Variants in EBF4 observed in about 807,000 individuals in gnomAD.
EBF4 encodes transcription factor COE4.
In EBF4, 34 loss-of-function variants were observed where a neutral mutation model predicts 67.1. The ratio of observed to expected loss-of-function variants is 0.51; its 90% CI spans 0.39 to 0.67. EBF4 has a LOEUF of 0.67. Among genes scored for constraint, EBF4 ranks in the 30% least tolerant of loss-of-function variants. EBF4 has a pLI of 0.00. For synonymous variants in EBF4, 387 were observed against 377.7 expected (o/e 1.02, Z -0.29); for missense variants, 837 against 873.3 (o/e 0.96, Z 0.52).
intron 6 of EBF4, among the ~76,000 whole-genome samples, chr20:2,727,389 C>T (rs923734542): frequency 2.6e-5 from 4 of 152,148 alleles, no homozygotes; most frequent in African/African-American, 9.7e-5. Context: ...ATCCTGCCCA[C>T]ACATGTACCA....
chr20:2,704,692 T>G (rs1414927278), intron 1 of EBF4, among the ~76,000 whole-genome samples: 1 of 152,244 alleles, frequency 6.6e-6, no homozygotes, highest in Non-Finnish European at 1.5e-5. Context: ...TCTCCAGTTT[T>G]TTTGCATGGA....
intron 6 of EBF4, among the ~76,000 whole-genome samples, chr20:2,724,051 ATAT>A (rs2087718651): frequency 6.6e-6 from 1 of 152,186 alleles, no homozygotes; most frequent in Non-Finnish European, 1.5e-5. Context: ...TTCCTGACTA[ATAT>A]TACAGTTTTT....
rs1179282384 is a variant in EBF4 at position 2,752,268 on chromosome 20, G to A, written c.1351+5G>A. ...CCACCCCGGGGCCCGAGCCGGGTGC[G>A]TGGGCCGCGCCTCCCCGCCGTCCTC... On this transcript the variant is annotated splice_donor_5th_base_variant and intron_variant, in intron 13 of 16. Transcript: ENST00000609451. 5 of 1,238,832 alleles carry A rather than the reference G, an allele frequency of 4.0e-6. No homozygotes were observed. The African/African-American group carries it at 4.7e-5, about 12-fold the overall frequency. The allele number at this position is 1,238,832 out of a possible 1,614,324, so 76.7% of individuals were successfully genotyped here.
chr20:2,752,017 CG>C, intron 12 of EBF4, 30 bp downstream of exon 12: 1 of 1,533,320 alleles, frequency 6.5e-7, no homozygotes, highest in South Asian at 1.2e-5. Context: ...CCAGCGCCGC[CG>C]GGACCGGGGC....
intron 6 of EBF4, among the ~76,000 whole-genome samples, chr20:2,720,898 C>G (rs1257120063): frequency 6.6e-6 from 1 of 152,090 alleles, no homozygotes; most frequent in East Asian, 1.9e-4. Flanking sequence ...TGTAAGATGT[C>G]GCTCCACTGT....
intron 1 of EBF4, among the ~76,000 whole-genome samples, chr20:2,695,942 C>T (rs543191266): frequency 6.6e-6 from 1 of 152,234 alleles, no homozygotes; most frequent in East Asian, 1.9e-4. Context: ...TTTTCCGTGT[C>T]CTAGTCCCAA....
intron 15 of EBF4, among the ~76,000 whole-genome samples, chr20:2,757,488 G>C (rs2088262938): frequency 6.6e-6 from 1 of 152,180 alleles, no homozygotes; most frequent in Non-Finnish European, 1.5e-5. Flanking sequence ...GCTGCTTGGT[G>C]ACCCATCCAG....
chr20:2,712,505 G>A (rs1011418181), intron 6 of EBF4, among the ~76,000 whole-genome samples: 1 of 152,170 alleles, frequency 6.6e-6, no homozygotes, highest in East Asian at 1.9e-4. Context: ...GGAAGAGCAG[G>A]TTTTGGAGGA....
At position 2,739,350 on chromosome 20, in the gene EBF4, C is replaced by G. The variant is rs999074069; in HGVS notation, c.558-9199C>G. ...GCTGTTAGTCCCTTTGCATGGAGGG[C>G]CCTGCCTCCTACTTCTCGGTGAGAT... On this transcript the variant is annotated intron_variant, in intron 6 of 16. Coordinates refer to ENST00000609451, the Ensembl canonical transcript of EBF4. This position sits in a 1 kb window ranked among gnomAD's most constrained non-coding sequence, Gnocchi z 4.5. Among the ~76,000 whole-genome samples, 1 of 151,916 alleles carries G rather than the reference C, an allele frequency of 6.6e-6. No individual in the cohort carries two copies. The highest frequency in any genetic ancestry group is 2.4e-5 in the African/African-American group (1 of 41,332).
intron 6 of EBF4, among the ~76,000 whole-genome samples, chr20:2,734,242 T>C (rs559661795): frequency 9.5e-4 from 144 of 152,098 alleles, no homozygotes; most frequent in Non-Finnish European, 1.1e-3. Flanking sequence ...ACCCTGTCTC[T>C]ACAAAAACCT....
chr20:2,740,505 G>T (rs1043575071), intron 6 of EBF4, among the ~76,000 whole-genome samples: 1 of 152,108 alleles, frequency 6.6e-6, no homozygotes, highest in Non-Finnish European at 1.5e-5. Context: ...AAATGCACTC[G>T]GGCTCTCCTT....
exon 13 of EBF4, chr20:2,752,140 C>A (rs2088159805): frequency 2.8e-6 from 4 of 1,450,098 alleles, no homozygotes; most frequent in Non-Finnish European, 3.6e-6. Context: ...CAGCACCCCC[C>A]GCGCACCCGG....
At chr20:2,746,301 C>T (rs1392008650) in intron 6 of EBF4, among the ~76,000 whole-genome samples, 1 of 152,156 alleles carries the variant, frequency 6.6e-6, no homozygotes. Context: ...TATATGGCAT[C>T]TACACATTGG....
At chr20:2,714,107 G>A (rs542614015) in intron 6 of EBF4, among the ~76,000 whole-genome samples, 27 of 152,282 alleles carry the variant, frequency 1.8e-4, no homozygotes, top group African/African-American at 6.0e-4. Flanking sequence ...AGTGGTTACC[G>A]TAACTATTTT....
At chr20:2,711,632 A>G (rs1455581525) in intron 6 of EBF4, among the ~76,000 whole-genome samples, 1 of 152,212 alleles carries the variant, frequency 6.6e-6, no homozygotes, top group Non-Finnish European at 1.5e-5. Context: ...TATTTGTTCA[A>G]TCAACAATTC....
chr20:2,750,982 A>C (rs1424112563), intron 10 of EBF4, among the ~76,000 whole-genome samples: 1 of 152,198 alleles, frequency 6.6e-6, no homozygotes, highest in Non-Finnish European at 1.5e-5. Context: ...CTGGTGGATT[A>C]GGTCGGGGCC....
chr20:2,719,881 G>A (rs2087657540), intron 6 of EBF4, among the ~76,000 whole-genome samples: 1 of 152,188 alleles, frequency 6.6e-6, no homozygotes, highest in African/African-American at 2.4e-5. Flanking sequence ...TGCGTGAAAT[G>A]TTCTATAAAT....
chr20:2,757,191 A>T (rs2088258242), intron 15 of EBF4, among the ~76,000 whole-genome samples: 1 of 152,140 alleles, frequency 6.6e-6, no homozygotes, highest in Admixed American at 6.5e-5. Flanking sequence ...GGGTCCCTGT[A>T]TGAGAGTCCG....
rs1446501828 is a variant in EBF4 at position 2,707,446 on chromosome 20, G to A, written c.415-501G>A. 3.9e-5 allele frequency among the ~76,000 whole-genome samples: 6 copies of A among 152,234 alleles called. No homozygotes were observed. Among genetic ancestry groups the A allele is most frequent in the Admixed American group, 3.3e-4 (5 of 15,302 alleles). On this transcript the variant is annotated intron_variant, in intron 4 of 16. Coordinates refer to ENST00000609451, the Ensembl canonical transcript of EBF4. The surrounding 1 kb of genome is among the most constrained non-coding windows in gnomAD (Gnocchi z 4.6). ...CTAGGGATGGTATGGGGGAAGAGGC[G>A]ATAGTTATCTAGGGGGAAGAGGCAG...
Sources: allele counts gnomAD v4.1 joint callset (sites outside exome capture counted in the v4.1 genomes callset), GRCh38; gene constraint gnomAD v4.1.1; non-coding constraint Gnocchi (gnomAD v3.1); transcripts MANE v1.5; gene names NCBI Gene and HGNC (gene_info 2026-07-23, HGNC 2026-07-21).